Variants in NOS2 observed in about 807,000 individuals in gnomAD.
NOS2 encodes nitric oxide synthase 2.
Under a neutral mutation model 136.0 loss-of-function variants are expected in NOS2, and 96 were observed. The observed-to-expected ratio is 0.71, with a 90% CI of 0.60 to 0.84. The LOEUF is 0.84. Ranked by LOEUF, NOS2 falls within the 40% of genes least tolerant of loss-of-function variation. The probability of loss-of-function intolerance (pLI) is 0.00; values close to 1 mark genes in which losing one functional copy is unlikely to be tolerated. For synonymous variants in NOS2, 539 were observed against 587.5 expected (o/e 0.92, Z 1.20); for missense variants, 1,237 against 1,496.9 (o/e 0.83, Z 2.87).
At chr17:27,776,410 C>T (rs569057848) in intron 11 of NOS2, among the ~76,000 whole-genome samples, 1 of 152,136 alleles carries the variant, frequency 6.6e-6, no homozygotes, top group Non-Finnish European at 1.5e-5. Flanking sequence ...CAGTGGCTCA[C>T]ACCTGTAATC....
At chr17:27,768,480 C>T (rs1490413404) in intron 17 of NOS2, among the ~76,000 whole-genome samples, 3 of 152,184 alleles carry the variant, frequency 2.0e-5, no homozygotes, top group Non-Finnish European at 1.5e-5. Context: ...AAGCCTGCCC[C>T]GATGCAAGCT....
At chr17:27,782,553 C>T (rs966331837) in intron 6 of NOS2, among the ~76,000 whole-genome samples, 2 of 152,188 alleles carry the variant, frequency 1.3e-5, no homozygotes, top group African/African-American at 4.8e-5. Flanking sequence ...GACTCCCCAA[C>T]AAAAAGATGG....
chr17:27,761,715 G>T (rs796510856), intron 22 of NOS2, among the ~76,000 whole-genome samples: 4 of 152,144 alleles, frequency 2.6e-5, no homozygotes, highest in African/African-American at 9.7e-5. Flanking sequence ...TGAGTTCCGC[G>T]CATTTCAGCC....
At position 27,765,688 on chromosome 17, in the gene NOS2, A is replaced by C; in HGVS notation, c.2275T>G (p.Cys759Gly). The change falls in exon 20 of 27, where the codon TGT becomes GGT. Residue 759 changes from cysteine to glycine, a missense_variant. Physicochemically the swap from Cys to Gly is radical, Grantham distance 159. Around this residue, in one of 3 missense-constraint regions of NOS2, gnomAD observed 782 missense variants for 909.9 expected, o/e 0.86. Coordinates refer to ENST00000313735, the MANE Select transcript of NOS2 (RefSeq NM_000625.4). Reference protein sequence around the residue: ...SRATILVELSCEDGQGLNYLP... With the variant: ...SRATILVELSGEDGQGLNYLP... ...TAGTTCAGGCCTTGGCCATCCTCAC[A>C]GGAGAGTTCCACCAGGATGGTGGCA... 6.2e-7 allele frequency: 1 copy of C among 1,611,048 alleles called. No individual in the cohort carries two copies. Among genetic ancestry groups the C allele is most frequent in the Non-Finnish European group, 8.5e-7 (1 of 1,179,056 alleles).
At chr17:27,797,335 A>C (rs1172254883) in intron 2 of NOS2, among the ~76,000 whole-genome samples, 2 of 152,234 alleles carry the variant, frequency 1.3e-5, no homozygotes, top group African/African-American at 4.8e-5. Context: ...CACTTACTCC[A>C]GGCCAGGCCC....
At chr17:27,770,807 T>C (rs1908466419) in intron 15 of NOS2, 106 bp downstream of exon 15, 1 of 763,426 alleles carries the variant, frequency 1.3e-6, no homozygotes. Flanking sequence ...GCCTGAGCAC[T>C]GACTCCCAAA....
chr17:27,793,448 A>C (rs927017048), intron 2 of NOS2: 1 of 391,192 alleles, frequency 2.6e-6, no homozygotes, highest in African/African-American at 2.1e-5. Flanking sequence ...CTAAAAGAGG[A>C]AAACGCTTTT....
chr17:27,763,423 T>G (rs557574626), intron 21 of NOS2, among the ~76,000 whole-genome samples: 3 of 152,342 alleles, frequency 2.0e-5, no homozygotes, highest in African/African-American at 7.2e-5. Flanking sequence ...TGAGAAAGCA[T>G]GTGCCAAGTT....
intron 2 of NOS2, among the ~76,000 whole-genome samples, chr17:27,791,872 G>A (rs1909204675): frequency 6.6e-6 from 1 of 152,032 alleles, no homozygotes; most frequent in African/African-American, 2.4e-5. Flanking sequence ...GTCACCATGG[G>A]GCTGCTTCAA....
At chr17:27,792,649 C>A (rs574323994) in intron 2 of NOS2, among the ~76,000 whole-genome samples, 2 of 151,842 alleles carry the variant, frequency 1.3e-5, no homozygotes, top group Non-Finnish European at 2.9e-5. Context: ...CACAGCTGTG[C>A]GGGGTCCTGA....
In NOS2 at chr17:27,780,767, T is replaced by G; in HGVS notation, c.1004A>C (p.Lys335Thr). 1 of 1,614,192 alleles carries G rather than the reference T, an allele frequency of 6.2e-7. No individual in the cohort carries two copies. The highest frequency in any genetic ancestry group is 8.5e-7 in the Non-Finnish European group (1 of 1,180,040). Residue 335 changes from lysine (K) to threonine (T), a missense_variant and splice_region_variant, in exon 9 of 27, where the codon AAA becomes ACA. Physicochemically the swap from Lys to Thr is moderately conservative, Grantham distance 78. This residue lies in a region of NOS2 where 440 missense variants were observed against 545.4 expected (regional missense o/e 0.81). Coordinates refer to ENST00000313735, the MANE Select transcript of NOS2 (RefSeq NM_000625.4). Reference sequence around the variant, plus strand: ...CCCCCAGCACCCTCAGCCTACTTACTTGGGATGTTCCATGGCCACCTCAAG... The same window carrying G: ...CCCCCAGCACCCTCAGCCTACTTACGTGGGATGTTCCATGGCCACCTCAAG... ...LVLEVAMEHP[K>T]YEWFRELELK...
At chr17:27,797,028 G>C (rs1278557899) in intron 2 of NOS2, among the ~76,000 whole-genome samples, 1 of 152,144 alleles carries the variant, frequency 6.6e-6, no homozygotes. Flanking sequence ...CTCCTACCCT[G>C]CATTCAAGCC....
chr17:27,761,915 C>T (rs1176601597), intron 22 of NOS2, among the ~76,000 whole-genome samples: 3 of 152,198 alleles, frequency 2.0e-5, no homozygotes, highest in Non-Finnish European at 4.4e-5. Flanking sequence ...CCTCTCCTCT[C>T]CTGGTCTGGG....
At chr17:27,766,974 CTGGACGACAGACCGAGACTCCGTCTCA>C in intron 18 of NOS2, among the ~76,000 whole-genome samples, 1 of 133,250 alleles carries the variant, frequency 7.5e-6, no homozygotes. Context: ...GCACTCCAGC[CTGGACGACAGACCGAGACTCCGTCTCA>C]AAAAAAAAAA....
intron 15 of NOS2, 71 bp downstream of exon 15, chr17:27,770,842 C>A (rs548361529): frequency 8.8e-7 from 1 of 1,130,994 alleles, no homozygotes; most frequent in Non-Finnish European, 1.3e-6. Flanking sequence ...CCTGCCGCAT[C>A]CCCCAGACCC....
chr17:27,760,839 C>A, intron 23 of NOS2, 95 bp from the exon 24 acceptor site: 1 of 1,443,910 alleles, frequency 6.9e-7, no homozygotes, highest in South Asian at 1.4e-5. Context: ...GGGAGGCGGT[C>A]GTGAGGGGGT....
At chr17:27,793,699 C>T (rs981679698) in intron 2 of NOS2, 6 of 394,900 alleles carry the variant, frequency 1.5e-5, no homozygotes, top group Non-Finnish European at 2.7e-5. Flanking sequence ...GCGCATGGCC[C>T]GGCTCCTTAG....
intron 18 of NOS2, 65 bp downstream of exon 18, chr17:27,767,640 G>C (rs904741272): frequency 1.3e-6 from 2 of 1,569,232 alleles, no homozygotes; most frequent in Non-Finnish European, 1.7e-6. Flanking sequence ...GGGTCTCCTT[G>C]ACCATGGGCT....
Position 27,762,847 on chromosome 17 carries a change from C to A in NOS2, c.2751G>T (p.Thr917=). The change falls in exon 22 of 27, where the codon ACG becomes ACT. Residue 917 remains threonine (T), a synonymous_variant. Coordinates refer to ENST00000313735, the MANE Select transcript of NOS2 (RefSeq NM_000625.4). ...FYSISSSRDH[T]PTEIHLTVAV... Reference sequence around the variant, plus strand: ...CCACAGTCAGGTGGATCTCTGTGGGCGTGTGATCCCGGGAGGAGCTGATGG... The same window carrying A: ...CCACAGTCAGGTGGATCTCTGTGGGAGTGTGATCCCGGGAGGAGCTGATGG... The A allele has an allele frequency of 1.3e-6, 2 of 1,565,486 alleles. No homozygotes were observed. Among genetic ancestry groups the A allele is most frequent in the Non-Finnish European group, 1.7e-6 (2 of 1,155,704 alleles).
Sources: gnomAD v4.1 joint callset for allele counts (sites outside exome capture counted in the v4.1 genomes callset) on GRCh38, gnomAD v4.1.1 for gene constraint, gnomAD v4.1.1 regional missense constraint, MANE v1.5 for transcripts, NCBI Gene and HGNC (gene_info 2026-07-23, HGNC 2026-07-21) for gene names.